BRWD3: variants seen among roughly 807,000 people sequenced by gnomAD.
BRWD3 encodes the protein bromodomain and WD repeat-containing protein 3.
In BRWD3, 10 loss-of-function variants were observed where a neutral mutation model predicts 149.7. The observed-to-expected ratio is 0.07, with a 90% CI of 0.04 to 0.11. BRWD3 has a LOEUF of 0.11. Ranked by LOEUF, BRWD3 falls within the 10% of genes least tolerant of loss-of-function variation. The probability of loss-of-function intolerance (pLI) is 1.00; values close to 1 mark genes in which losing one functional copy is unlikely to be tolerated. For missense variants in BRWD3, 940 were observed against 1,373.2 expected (o/e 0.68, Z 4.99); for synonymous variants, 504 against 456.7 (o/e 1.10, Z -1.32).
chrX:80,677,362 A>T lies in BRWD3; in HGVS notation c.4656T>A (p.Asp1552Glu), dbSNP rs777984364. 1.7e-6 allele frequency: 2 copies of T among 1,194,399 alleles called. No individual in the cohort carries two copies. Among genetic ancestry groups the T allele is most frequent in the East Asian group, 3.0e-5 (1 of 33,653 alleles). ...TTGTAAGGGGTCCATCAAGGGAGTG[A>T]TCTAAATTAAAATGAATGATTTTTA... ...FRNRVLPVKQ[D>E]HSLDGPLTNG... Residue 1552 changes from aspartate to glutamate, a missense_variant and splice_region_variant, in exon 41 of 41, where the codon GAT becomes GAA. Asp to Glu is a conservative substitution (Grantham distance 45). Coordinates refer to ENST00000373275, the MANE Select transcript of BRWD3 (RefSeq NM_153252.5).
In BRWD3 at chrX:80,712,210, A is replaced by C. The variant is rs755416618; in HGVS notation, c.2326-2633T>G. Among the ~76,000 whole-genome samples, 5 of 111,473 alleles carry C rather than the reference A, an allele frequency of 4.5e-5. No individual in the cohort carries two copies. In the East Asian group the frequency reaches 1.1e-3, roughly 25 times the overall value. On this transcript the variant is annotated intron_variant, in intron 20 of 40. Transcript: ENST00000373275. The stretch of plus-strand genomic sequence containing the variant: ...CCCTCTGATGCCGAGCCGAAGCTGG[A>C]CTGTACTGCTGCCATCTCGGCTCAC...
At chrX:80,746,038 T>C (rs898131823) in intron 6 of BRWD3, among the ~76,000 whole-genome samples, 1 of 110,843 alleles carries the variant, frequency 9.0e-6, no homozygotes, top group African/African-American at 3.3e-5. Flanking sequence ...ATTTTAAATA[T>C]ATAGGTAAAT....
intron 9 of BRWD3, among the ~76,000 whole-genome samples, chrX:80,735,646 T>C (rs923870063): frequency 9.2e-6 from 1 of 108,972 alleles, no homozygotes; most frequent in Admixed American, 9.9e-5. Context: ...CTACTAAAAA[T>C]ACAAAAAATT....
chrX:80,678,460 A>C (rs946203794), intron 40 of BRWD3, among the ~76,000 whole-genome samples: 1 of 111,563 alleles, frequency 9.0e-6, no homozygotes, highest in Non-Finnish European at 1.9e-5. Flanking sequence ...GATCCAAGAC[A>C]AGACATTTTT....
chrX:80,707,236 T>C (rs1027166624), intron 22 of BRWD3, among the ~76,000 whole-genome samples, 191 bp downstream of exon 22: 4 of 112,663 alleles, frequency 3.6e-5, no homozygotes, highest in Non-Finnish European at 3.8e-5. Flanking sequence ...ATGAAGAAAC[T>C]AAAAGGCCCA....
rs1387146180 is a variant in BRWD3, at chrX:80,679,013, C to G, written c.4655-1650G>C. On this transcript the variant is annotated intron_variant, in intron 40 of 40. Transcript: ENST00000373275. The stretch of plus-strand genomic sequence containing the variant: ...CCTCTGTCTCTCTGTAGAGGCAAGG[C>G]CACGTGAGGACAAAGCAAGAAGGTG... Among the ~76,000 whole-genome samples, 6 of 111,671 alleles carry G rather than the reference C, an allele frequency of 5.4e-5. No individual in the cohort carries two copies. In the East Asian group the frequency reaches 1.7e-3, roughly 32 times the overall value.
intron 6 of BRWD3, among the ~76,000 whole-genome samples, chrX:80,788,027 T>C (rs1163996869): frequency 9.1e-6 from 1 of 109,376 alleles, no homozygotes; most frequent in Non-Finnish European, 1.9e-5. Context: ...GAGCTTGCAG[T>C]GAGCCGAGAC....
At chrX:80,776,053 A>T (rs1313208373) in intron 6 of BRWD3, among the ~76,000 whole-genome samples, 3 of 112,135 alleles carry the variant, frequency 2.7e-5, no homozygotes, top group Admixed American at 9.5e-5. Context: ...TAGTCTTCCC[A>T]CTTTTCAATG....
At chrX:80,713,559 G>T in intron 20 of BRWD3, among the ~76,000 whole-genome samples, 1 of 109,466 alleles carries the variant, frequency 9.1e-6, no homozygotes, top group East Asian at 2.9e-4. Flanking sequence ...ACTGCGGAAG[G>T]CCGCAGGGTC....
rs980890859 is a variant in BRWD3 at position 80,674,331 on chromosome X, T to C, written c.*2278A>G. On this transcript the variant is annotated 3_prime_UTR_variant, in exon 41 of 41. Transcript: ENST00000373275. ...CATTTTTATTTTTCAAAATAAATTA[T>C]AAATAAAGCTCCAGATAGCCAAAAT... 11 of 111,753 alleles carry C rather than the reference T, an allele frequency of 9.8e-5. No individual in the cohort carries two copies. The highest frequency in any genetic ancestry group is 3.2e-4 in the African/African-American group (10 of 30,873). 9.2% of individuals were successfully genotyped at this position (111,753 alleles called of 1,213,427 possible).
At chrX:80,706,203 G>A (rs753657923) in intron 22 of BRWD3, among the ~76,000 whole-genome samples, 11 of 110,260 alleles carry the variant, frequency 1.0e-4, no homozygotes, top group Non-Finnish European at 1.9e-4. Context: ...CTGCCTTCTG[G>A]GTTCAAGAAA....
At chrX:80,748,499 C>T (rs1225985985) in intron 6 of BRWD3, among the ~76,000 whole-genome samples, 2 of 112,206 alleles carry the variant, frequency 1.8e-5, no homozygotes, top group Non-Finnish European at 3.8e-5. Flanking sequence ...TAGAATTCAA[C>T]AGAAAAGCCA....
chrX:80,749,712 T>C (rs1002329742), intron 6 of BRWD3, among the ~76,000 whole-genome samples: 4 of 111,063 alleles, frequency 3.6e-5, no homozygotes, highest in African/African-American at 1.3e-4. Flanking sequence ...AAAATTTCAA[T>C]GACATTTTTC....
At chrX:80,686,083 A>G (rs1602303564) in intron 35 of BRWD3, among the ~76,000 whole-genome samples, 1 of 111,123 alleles carries the variant, frequency 9.0e-6, no homozygotes, top group Admixed American at 9.6e-5. Context: ...ACATTTTCTT[A>G]ATCCAGTCTA....
rs1377124345 is a variant in BRWD3 at position 80,712,288 on chromosome X, G to A, written c.2326-2711C>T. On this transcript the variant is annotated intron_variant, in intron 20 of 40. Coordinates refer to ENST00000373275, the MANE Select transcript of BRWD3 (RefSeq NM_153252.5). ...CTCAGCCTGCCGAGTGCCTGTGATTGCAGGCACGCGCCGCCACACCTGACT... is the reference window on the plus strand; with the variant it reads ...CTCAGCCTGCCGAGTGCCTGTGATTACAGGCACGCGCCGCCACACCTGACT... Among the ~76,000 whole-genome samples the A allele has an allele frequency of 2.7e-5, 3 of 110,986 alleles. No homozygotes were observed. The Admixed American group carries it at 2.8e-4, about 11-fold the overall frequency.
intron 6 of BRWD3, among the ~76,000 whole-genome samples, chrX:80,784,526 G>C (rs946131376): frequency 1.3e-4 from 15 of 111,117 alleles, no homozygotes; most frequent in African/African-American, 4.9e-4. Context: ...TATTTCTCCT[G>C]ATGCTTTCCC....
intron 6 of BRWD3, among the ~76,000 whole-genome samples, chrX:80,768,688 C>T (rs1314854467): frequency 2.7e-5 from 3 of 111,067 alleles, no homozygotes. Context: ...GGCAAAATAA[C>T]CAGCTAACAT....
chrX:80,802,240 A>G (rs185792323), intron 4 of BRWD3, among the ~76,000 whole-genome samples: 370 of 110,456 alleles, frequency 3.3e-3, no homozygotes, highest in Non-Finnish European at 5.6e-3. Flanking sequence ...CAGGAGTTCA[A>G]GACTAGCCTT....
At chrX:80,740,006 TAATC>T (rs1010057003) in intron 8 of BRWD3, among the ~76,000 whole-genome samples, 7 of 111,649 alleles carry the variant, frequency 6.3e-5, no homozygotes, top group Non-Finnish European at 1.1e-4. Flanking sequence ...ATTCCAGAAA[TAATC>T]AGTCAGATAT....
Sources: allele counts gnomAD v4.1 joint callset (sites outside exome capture counted in the v4.1 genomes callset), GRCh38; gene constraint gnomAD v4.1.1; transcripts MANE v1.5; gene names NCBI Gene and HGNC (gene_info 2026-07-23, HGNC 2026-07-21).